Variants in FHIT observed in about 807,000 individuals in gnomAD.
FHIT encodes the protein fragile histidine triad diadenosine triphosphatase, also known as bis(5'-adenosyl)-triphosphatase.
In FHIT, 19 loss-of-function variants were observed where a neutral mutation model predicts 17.9. The observed-to-expected ratio is 1.06, with a 90% confidence interval of 0.74 to 1.56. FHIT has a LOEUF of 1.56. FHIT is among the 40% of genes most tolerant of loss of function. The probability of loss-of-function intolerance (pLI) is 0.00; values close to 1 mark genes in which losing one functional copy is unlikely to be tolerated. For missense variants in FHIT, 248 were observed against 189.2 expected (o/e 1.31, Z -1.82); for synonymous variants, 81 against 69.7 (o/e 1.16, Z -0.81).
intron 3 of FHIT, among the ~76,000 whole-genome samples, chr3:60,879,299 C>T (rs1704842469): frequency 6.6e-6 from 1 of 152,210 alleles, no homozygotes; most frequent in Non-Finnish European, 1.5e-5. Flanking sequence ...TCCACAGTTA[C>T]TGTTGACACT....
At chr3:60,720,359 T>C (rs1553707754) in intron 4 of FHIT, among the ~76,000 whole-genome samples, 1 of 152,194 alleles carries the variant, frequency 6.6e-6, no homozygotes, top group Non-Finnish European at 1.5e-5. Flanking sequence ...CTGTTGCCTG[T>C]GCCCCATAAA....
intron 3 of FHIT, among the ~76,000 whole-genome samples, chr3:60,929,877 G>T (rs1398908220): frequency 2.0e-5 from 3 of 152,092 alleles, no homozygotes; most frequent in African/African-American, 7.2e-5. Context: ...AAGTTCACAT[G>T]GAACCAAAAA....
chr3:60,977,148 A>T (rs536943646), intron 3 of FHIT, among the ~76,000 whole-genome samples: 1 of 152,192 alleles, frequency 6.6e-6, no homozygotes, highest in Non-Finnish European at 1.5e-5. Flanking sequence ...TCTGCTTCAC[A>T]GATCATTCAT....
chr3:60,128,954 G>A (rs557272756), intron 5 of FHIT, among the ~76,000 whole-genome samples: 19 of 151,416 alleles, frequency 1.3e-4, no homozygotes, highest in Middle Eastern at 3.4e-3. Context: ...TTTTAACAAC[G>A]TAATTCTATT....
chr3:60,188,985 A>AT, intron 5 of FHIT, among the ~76,000 whole-genome samples: 1 of 152,298 alleles, frequency 6.6e-6, no homozygotes, highest in East Asian at 1.9e-4. Flanking sequence ...TTCAGTAAAA[A>AT]TCAGAAATGA....
chr3:60,418,260 T>G (rs1280888740), intron 5 of FHIT, among the ~76,000 whole-genome samples: 1 of 151,342 alleles, frequency 6.6e-6, no homozygotes, highest in Non-Finnish European at 1.5e-5. Context: ...TTTTGTCTAC[T>G]CATTTTTAGT....
chr3:60,812,175 C>CTT (rs34243612), intron 4 of FHIT, among the ~76,000 whole-genome samples: 10 of 137,052 alleles, frequency 7.3e-5, no homozygotes, highest in Admixed American at 1.5e-4. Flanking sequence ...AATACAGACT[C>CTT]TTTTTTTTTT....
chr3:60,617,055 C>G (rs1553676202), intron 4 of FHIT: 1 of 212,616 alleles, frequency 4.7e-6, no homozygotes, highest in African/African-American at 2.3e-5. Context: ...ACTGACATGG[C>G]AAAGAAACGA....
intron 3 of FHIT, among the ~76,000 whole-genome samples, chr3:60,894,725 A>G (rs1705700393): frequency 6.6e-6 from 1 of 152,198 alleles, no homozygotes; most frequent in Admixed American, 6.5e-5. Context: ...AAAAATTAAA[A>G]TATTCAAAAC....
At chr3:60,269,033 C>T (rs546118280) in intron 5 of FHIT, among the ~76,000 whole-genome samples, 2 of 152,190 alleles carry the variant, frequency 1.3e-5, no homozygotes, top group Non-Finnish European at 2.9e-5. Context: ...CCAGAGGAAA[C>T]ACAGCCCTGC....
intron 7 of FHIT, among the ~76,000 whole-genome samples, chr3:59,995,094 C>G (rs1266400572): frequency 6.6e-6 from 1 of 151,974 alleles, no homozygotes; most frequent in African/African-American, 2.4e-5. Flanking sequence ...TATGTCTGAG[C>G]TCTGAATGTT....
At chr3:60,471,812 C>A (rs2033102067) in intron 5 of FHIT, among the ~76,000 whole-genome samples, 2 of 152,142 alleles carry the variant, frequency 1.3e-5, no homozygotes, top group Admixed American at 6.5e-5. Flanking sequence ...CCTGCCACCC[C>A]ACCCCTCTCA....
chr3:60,686,871 T>A (rs1361660374), intron 4 of FHIT, among the ~76,000 whole-genome samples: 1 of 152,184 alleles, frequency 6.6e-6, no homozygotes, highest in Non-Finnish European at 1.5e-5. Context: ...ATAAGAAATT[T>A]AACCTATACT....
chr3:59,864,225 T>A (rs1005862644), intron 8 of FHIT, among the ~76,000 whole-genome samples: 6 of 152,178 alleles, frequency 3.9e-5, no homozygotes, highest in Non-Finnish European at 7.4e-5. Context: ...AATTCCCACA[T>A]GCTGTGGGAG....
chr3:61,021,999 G>A lies in FHIT; in HGVS notation c.-111+20048C>T, dbSNP rs1030596023. 2.1e-4 allele frequency among the ~76,000 whole-genome samples: 32 copies of A among 152,036 alleles called. 1 individual carries two copies. Among genetic ancestry groups the A allele is most frequent in the African/African-American group, 7.7e-4 (32 of 41,452 alleles). On this transcript the variant is annotated intron_variant, in intron 3 of 9. Transcript: ENST00000492590. ...AAGACAAGAAATAACTAAGATCAGGGCAAATTTGAAGGAGATAGAGACACG... is the reference window on the plus strand; with the variant it reads ...AAGACAAGAAATAACTAAGATCAGGACAAATTTGAAGGAGATAGAGACACG...
intron 8 of FHIT, among the ~76,000 whole-genome samples, chr3:59,826,696 A>C (rs1040759343): frequency 6.6e-6 from 1 of 152,270 alleles, no homozygotes; most frequent in African/African-American, 2.4e-5. Context: ...TGTCTCATAC[A>C]TGCTGCTGGA....
At chr3:60,389,636 C>T (rs1028116965) in intron 5 of FHIT, among the ~76,000 whole-genome samples, 1 of 152,140 alleles carries the variant, frequency 6.6e-6, no homozygotes, top group African/African-American at 2.4e-5. Flanking sequence ...CCTGTAAGAG[C>T]AAATTAATTA....
At chr3:59,846,669 C>A (rs920982469) in intron 8 of FHIT, among the ~76,000 whole-genome samples, 1 of 152,054 alleles carries the variant, frequency 6.6e-6, no homozygotes, top group Non-Finnish European at 1.5e-5. Context: ...AATACAAAGA[C>A]CTTTATTTCT....
At chr3:60,515,138 G>A (rs1223999014) in intron 5 of FHIT, among the ~76,000 whole-genome samples, 1 of 152,132 alleles carries the variant, frequency 6.6e-6, no homozygotes, top group African/African-American at 2.4e-5. Context: ...GGAGCCGAGG[G>A]AGAGCTGCTA....
Sources: gnomAD v4.1 joint callset for allele counts (sites outside exome capture counted in the v4.1 genomes callset) on GRCh38, gnomAD v4.1.1 for gene constraint, MANE v1.5 for transcripts, NCBI Gene and HGNC (gene_info 2026-07-23, HGNC 2026-07-21) for gene names.